The following FKBP15 variants were observed in gnomAD, a reference collection of about 807,000 sequenced individuals.
FKBP15 encodes the protein FKBP prolyl isomerase family member 15, also known as FK506-binding protein 15.
Under a neutral mutation model 158.1 loss-of-function variants are expected in FKBP15, and 106 were observed. The observed-to-expected ratio is 0.67, with a 90% CI of 0.57 to 0.79. The LOEUF (loss-of-function observed/expected upper bound fraction) is 0.79, where lower values mean the gene tolerates loss of function less well. Ranked by LOEUF, FKBP15 falls within the 30% of genes least tolerant of loss-of-function variation. The probability of loss-of-function intolerance (pLI) is 0.00; values close to 1 mark genes in which losing one functional copy is unlikely to be tolerated. For synonymous variants in FKBP15, 547 were observed against 548.6 expected, an observed-to-expected ratio of 1.00 and a Z score of 0.04; for missense variants, 1,287 against 1,479.1, an observed-to-expected ratio of 0.87 and a Z score of 2.13.
chr9:113,192,866 T>C (rs1468509858), intron 11 of FKBP15, among the ~76,000 whole-genome samples: 2 of 152,212 alleles, frequency 1.3e-5, no homozygotes, highest in Non-Finnish European at 2.9e-5. Flanking sequence ...CGTCTAGGAT[T>C]AACCACTAAC....
At chr9:113,181,857 C>T (rs6477991) in intron 19 of FKBP15, among the ~76,000 whole-genome samples, 124,793 of 152,100 alleles carry the variant, frequency 0.82, 51,284 homozygotes, top group South Asian at 0.89. Flanking sequence ...TACTACCTAA[C>T]GATAACAATG....
At chr9:113,200,166 C>A (rs1436704697) in intron 6 of FKBP15, among the ~76,000 whole-genome samples, 1 of 152,308 alleles carries the variant, frequency 6.6e-6, no homozygotes, top group East Asian at 1.9e-4. Flanking sequence ...TGTCTGGGTA[C>A]AGATCCAGGC....
rs1830005273 is a variant in FKBP15 at position 113,161,119 on chromosome 9, T to C, written c.*4959A>G. The C allele has an allele frequency of 5.9e-6, 1 of 169,856 alleles. No individual in the cohort carries two copies. 10.5% of individuals were successfully genotyped at this position (169,856 alleles called of 1,614,324 possible). ...AAAAACCACCTGTATCCTACTTTGC[T>C]GAGATAACTATTACTCTTGTGCTAT... On this transcript the variant is annotated 3_prime_UTR_variant, in exon 28 of 28. Transcript: ENST00000238256.
chr9:113,206,279 A>C, intron 4 of FKBP15: 1 of 553,350 alleles, frequency 1.8e-6, no homozygotes, highest in East Asian at 2.9e-5. Flanking sequence ...AGCTAGGATC[A>C]TATCACAAAG....
chr9:113,167,132 C>T (rs1830111421), intron 27 of FKBP15, among the ~76,000 whole-genome samples: 1 of 152,230 alleles, frequency 6.6e-6, no homozygotes, highest in South Asian at 2.1e-4. Flanking sequence ...CTCACAGCTT[C>T]TGTTTTGTCC....
In FKBP15 at chr9:113,182,804, T is replaced by C; in HGVS notation, c.1876A>G (p.Asn626Asp). Reference sequence around the variant, plus strand: ...GCATGCAATACTCTTGCCTGTGTGTTTTCTGTGGCTGTCTGAAGTGAGTTG... The same window carrying C: ...GCATGCAATACTCTTGCCTGTGTGTCTTCTGTGGCTGTCTGAAGTGAGTTG... ...RNNSLQTATENTQARVLHAEQ... is the reference protein window; with the variant it reads ...RNNSLQTATEDTQARVLHAEQ... The change falls in exon 19 of 28, where the codon AAC (asparagine) becomes GAC (aspartate). Residue 626 changes from asparagine to aspartate, a missense_variant. Transcript: ENST00000238256. 6.2e-7 allele frequency: 1 copy of C among 1,613,852 alleles called. No homozygotes were observed. The highest frequency in any genetic ancestry group is 8.5e-7 in the Non-Finnish European group (1 of 1,179,762).
rs1188358695 is a variant in FKBP15, at chr9:113,211,511, T to C, written c.135A>G (p.Lys45=). The C allele has an allele frequency of 6.2e-7, 1 of 1,609,416 alleles. No individual in the cohort carries two copies. The highest frequency in any genetic ancestry group is 8.5e-7 in the Non-Finnish European group (1 of 1,178,030). Residue 45 remains lysine (K), a synonymous_variant, in exon 2 of 28, where the codon AAA becomes AAG. Coordinates refer to ENST00000238256, the MANE Select transcript of FKBP15 (RefSeq NM_015258.2). ...GNEFFQYTAP[K]QPKKGQGTAA... ...CCGTTCCCTGGCCTTTCTTAGGCTGTTTTGGGGCTGTGTACTGGAAAAATT... is the reference window on the plus strand; with the variant it reads ...CCGTTCCCTGGCCTTTCTTAGGCTGCTTTGGGGCTGTGTACTGGAAAAATT...
chr9:113,209,222 G>A (rs1490598976), intron 2 of FKBP15, among the ~76,000 whole-genome samples: 1 of 152,082 alleles, frequency 6.6e-6, no homozygotes, highest in Non-Finnish European at 1.5e-5. Context: ...AGTGCACTGT[G>A]ATGGCACCTG....
rs190983148 is a variant in FKBP15, at chr9:113,212,930, T to C, written c.54-1338A>G. ...CCACAGGCAATACAAATGTAACATG[T>C]CCAAACCAGAACTCATATCCTCCAA... On this transcript the variant is annotated intron_variant, in intron 1 of 27. Transcript: ENST00000238256. Among the ~76,000 whole-genome samples the C allele has an allele frequency of 1.4e-4, 21 of 152,284 alleles. No individual in the cohort carries two copies. In the East Asian group the frequency reaches 4.1e-3, roughly 29 times the overall value.
rs755744330 is a variant in FKBP15 at position 113,173,492 on chromosome 9, T to G, written c.2493A>C (p.Arg831Ser). 6.2e-7 allele frequency: 1 copy of G among 1,613,850 alleles called. No homozygotes were observed. Among genetic ancestry groups the G allele is most frequent in the African/African-American group, 1.3e-5 (1 of 74,942 alleles). ...GTACCAGCTTCTGCTGGTAGGCATC[T>G]CTCTGTGCGCACACCTCCTGGTACT... ...LQQYQEVCAQ[R>S]DAYQQKLVQL... The change falls in exon 23 of 28, where the codon AGA becomes AGC. Residue 831 changes from arginine (R) to serine (S), a missense_variant. Physicochemically the swap from Arg to Ser is moderately radical, Grantham distance 110. Transcript: ENST00000238256.
chr9:113,217,195 C>A (rs1261112767), intron 1 of FKBP15, among the ~76,000 whole-genome samples: 1 of 144,494 alleles, frequency 6.9e-6, no homozygotes, highest in Non-Finnish European at 1.5e-5. Context: ...TGAGCCACCA[C>A]GCCCAGTTTT....
In FKBP15 at chr9:113,218,377, T is replaced by TTATATATATATATATA. The variant is rs10539484; in HGVS notation, c.53+2798_53+2813dup. On this transcript the variant is annotated intron_variant, in intron 1 of 27. Coordinates refer to ENST00000238256, the MANE Select transcript of FKBP15 (RefSeq NM_015258.2). ...ACCTCATAGAGAGGAGTAAATACAA[T>TTATATATATATATATA]TATATATATATATATATATATATAT... Among the ~76,000 whole-genome samples, 16 of 101,488 alleles carry TTATATATATATATATA rather than the reference T, an allele frequency of 1.6e-4. 1 individual carries two copies. Among genetic ancestry groups the TTATATATATATATATA allele is most frequent in the East Asian group, 2.5e-4 (1 of 4,056 alleles). The allele number at this position is 101,488 out of a possible 152,430, so 66.6% of individuals were successfully genotyped here.
Position 113,186,293 on chromosome 9 carries a change from C to T in FKBP15, c.1454G>A (p.Arg485Gln), listed in dbSNP as rs369035153. 1.3e-5 allele frequency: 21 copies of T among 1,570,774 alleles called. No homozygotes were observed. The African/African-American group carries it at 2.3e-4, about 17-fold the overall frequency. ...SAVTSQLQPV[R>Q]PLYPAPLSQP... ...AGAGAGCGGTGCTGGGTACAAAGGC[C>T]GAACGGGCTGCAGCTGGGAGGTGAC... The change falls in exon 15 of 28, where the codon CGG becomes CAG. Residue 485 changes from arginine (R) to glutamine (Q), a missense_variant. Physicochemically the swap from Arg to Gln is conservative, Grantham distance 43. Coordinates refer to ENST00000238256, the MANE Select transcript of FKBP15 (RefSeq NM_015258.2).
At chr9:113,168,360 G>A (rs539689975) in intron 27 of FKBP15, 100 bp downstream of exon 27, 47 of 1,007,800 alleles carry the variant, frequency 4.7e-5, no homozygotes, top group South Asian at 4.0e-4. Context: ...AGAGTCCAGG[G>A]AGTGGGCCAC....
At chr9:113,177,010 A>G (rs1341716344) in intron 20 of FKBP15, among the ~76,000 whole-genome samples, 1 of 152,214 alleles carries the variant, frequency 6.6e-6, no homozygotes, top group Non-Finnish European at 1.5e-5. Context: ...CTGACCAGCA[A>G]TAAGATTTGT....
At chr9:113,207,872 G>C (rs1045841300) in intron 2 of FKBP15, among the ~76,000 whole-genome samples, 6 of 152,094 alleles carry the variant, frequency 3.9e-5, no homozygotes, top group Admixed American at 1.3e-4. Context: ...CCCCAAATAA[G>C]TCTTTGGCTA....
Position 113,166,034 on chromosome 9 carries a change from AG to A in FKBP15, c.*43del. ...GGGTTGGCTGTGCAAAATCATGCTT[AG>A]GGAAGGGTTGCAGAGAAACCTTTGC... On this transcript the variant is annotated 3_prime_UTR_variant, in exon 28 of 28. Transcript: ENST00000238256. 6.3e-7 allele frequency: 1 copy of A among 1,577,010 alleles called. No individual in the cohort carries two copies. The highest frequency in any genetic ancestry group is 1.1e-5 in the South Asian group (1 of 87,328).
chr9:113,162,652 C>A lies in FKBP15; in HGVS notation c.*3426G>T. On this transcript the variant is annotated 3_prime_UTR_variant, in exon 28 of 28. Transcript: ENST00000238256. The stretch of plus-strand genomic sequence containing the variant: ...CATACAAGTTATAAATCAATCGGGT[C>A]ACGTAACTCAACAGCTTTCTACTCC... 1 of 1,126,572 alleles carries A rather than the reference C, an allele frequency of 8.9e-7. No individual in the cohort carries two copies. The highest frequency in any genetic ancestry group is 1.3e-6 in the Non-Finnish European group (1 of 782,344). The allele number at this position is 1,126,572 out of a possible 1,614,324, so 69.8% of individuals were successfully genotyped here. A position where few individuals can be genotyped will look rare whatever the true frequency, so the allele number is the denominator to read the frequency against.
At position 113,211,478 on chromosome 9, in the gene FKBP15, T is replaced by C. The variant is rs950640866; in HGVS notation, c.168A>G (p.Thr56=). The change falls in exon 2 of 28, where the codon ACA becomes ACG. Residue 56 remains threonine, a splice_region_variant and synonymous_variant. Coordinates refer to ENST00000238256, the MANE Select transcript of FKBP15 (RefSeq NM_015258.2). ...QPKKGQGTAA[T]GNQATPKTAP... is the part of the protein sequence containing the mutation. ...TCGGCTAATACACTCTTAACTTACCTGTTGCTGCCGTTCCCTGGCCTTTCT... is the reference window on the plus strand; with the variant it reads ...TCGGCTAATACACTCTTAACTTACCCGTTGCTGCCGTTCCCTGGCCTTTCT... 1.9e-6 allele frequency: 3 copies of C among 1,604,374 alleles called. No homozygotes were observed. The African/African-American group carries it at 4.0e-5, about 21-fold the overall frequency.
Sources: allele counts gnomAD v4.1 joint callset (sites outside exome capture counted in the v4.1 genomes callset), GRCh38; gene constraint gnomAD v4.1.1; transcripts MANE v1.5; gene names NCBI Gene and HGNC (gene_info 2026-07-23, HGNC 2026-07-21).